LARGE1: variants seen among roughly 807,000 people sequenced by gnomAD.
LARGE1 encodes the protein LARGE xylosyl- and glucuronyltransferase 1, also known as xylosyl- and glucuronyltransferase LARGE1.
A neutral mutation model predicts 87.6 loss-of-function variants in LARGE1; 43 were observed. The ratio of observed to expected loss-of-function variants is 0.49; its 90% CI spans 0.38 to 0.63. LARGE1 has a LOEUF of 0.63. Ranked by LOEUF, LARGE1 falls within the 30% of genes least tolerant of loss-of-function variation. The pLI is 0.00. For synonymous variants in LARGE1, 434 were observed against 394.6 expected (o/e 1.10, Z -1.18); for missense variants, 802 against 1,000.2 (o/e 0.80, Z 2.67).
At chr22:33,832,688 G>A (rs952185522) in intron 1 of LARGE1, among the ~76,000 whole-genome samples, 3 of 152,204 alleles carry the variant, frequency 2.0e-5, no homozygotes, top group African/African-American at 7.2e-5. Context: ...ACTGGCTGGG[G>A]CTCCCAGCTG....
chr22:33,522,435 G>A (rs2071651502), intron 6 of LARGE1, among the ~76,000 whole-genome samples: 1 of 152,200 alleles, frequency 6.6e-6, no homozygotes. Flanking sequence ...GTGCATGCCT[G>A]TAATCCCAGC....
At chr22:33,613,579 G>A (rs2079502125) in intron 4 of LARGE1, among the ~76,000 whole-genome samples, 1 of 152,104 alleles carries the variant, frequency 6.6e-6, no homozygotes, top group South Asian at 2.1e-4. Flanking sequence ...CACAACCTCC[G>A]CCTCCTGGGT....
intron 4 of LARGE1, among the ~76,000 whole-genome samples, chr22:33,620,773 C>T (rs112912771): frequency 2.0e-5 from 3 of 151,970 alleles, no homozygotes; most frequent in South Asian, 4.2e-4. Flanking sequence ...AAAAATTAGC[C>T]GGGCGTGGTG....
intron 1 of LARGE1, among the ~76,000 whole-genome samples, chr22:33,763,743 A>T (rs1380147539): frequency 6.6e-6 from 1 of 151,304 alleles, no homozygotes; most frequent in African/African-American, 2.4e-5. Flanking sequence ...CAAATGAGAG[A>T]GCCTTTAATG....
intron 2 of LARGE1, among the ~76,000 whole-genome samples, chr22:33,742,429 G>A (rs781227309): frequency 1.3e-5 from 2 of 152,062 alleles, no homozygotes; most frequent in Non-Finnish European, 2.9e-5. Flanking sequence ...TTCGTGCACC[G>A]AGCACAATGT....
chr22:33,251,431 T>C (rs1371262559), intron 11 of LARGE1, among the ~76,000 whole-genome samples: 1 of 152,146 alleles, frequency 6.6e-6, no homozygotes, highest in Non-Finnish European at 1.5e-5. Context: ...TTTTTTTTTC[T>C]TGGGATCATG....
chr22:33,858,757 G>A (rs1187909314), intron 1 of LARGE1, among the ~76,000 whole-genome samples: 1 of 152,148 alleles, frequency 6.6e-6, no homozygotes, highest in Non-Finnish European at 1.5e-5. Context: ...TATGTTTATT[G>A]CAGCACTATT....
intron 11 of LARGE1, among the ~76,000 whole-genome samples, chr22:33,214,087 T>C (rs528303799): frequency 3.9e-5 from 6 of 152,244 alleles, no homozygotes; most frequent in African/African-American, 1.2e-4. Flanking sequence ...TTTATTGCAA[T>C]GGTCAGGAAT....
intron 10 of LARGE1, among the ~76,000 whole-genome samples, chr22:33,328,156 C>A (rs1022849193): frequency 6.6e-6 from 1 of 152,098 alleles, no homozygotes; most frequent in Non-Finnish European, 1.5e-5. Flanking sequence ...ACAGGCATTG[C>A]AATTTTAGAT....
intron 11 of LARGE1, among the ~76,000 whole-genome samples, chr22:33,262,885 G>C (rs60290807): frequency 8.2e-6 from 1 of 122,040 alleles, no homozygotes; most frequent in Non-Finnish European, 1.7e-5. Flanking sequence ...CCCTCCGCTC[G>C]CCTCCCCTCC....
At chr22:33,483,966 G>C (rs184697433) in intron 6 of LARGE1, among the ~76,000 whole-genome samples, 3 of 152,230 alleles carry the variant, frequency 2.0e-5, no homozygotes, top group Admixed American at 1.3e-4. Flanking sequence ...CTTGACGGCC[G>C]GAAGTTTAGA....
At chr22:33,614,236 A>G (rs1457772653) in intron 4 of LARGE1, among the ~76,000 whole-genome samples, 1 of 152,196 alleles carries the variant, frequency 6.6e-6, no homozygotes, top group African/African-American at 2.4e-5. Flanking sequence ...GCTAAAACAT[A>G]TGCAGCACTT....
At chr22:33,355,010 C>G (rs1601564403) in intron 9 of LARGE1, among the ~76,000 whole-genome samples, 1 of 152,154 alleles carries the variant, frequency 6.6e-6, no homozygotes, top group African/African-American at 2.4e-5. Flanking sequence ...TAAAATGAAA[C>G]TTTTCTGTTT....
At chr22:33,659,309 A>G (rs979583205) in intron 2 of LARGE1, among the ~76,000 whole-genome samples, 3 of 152,212 alleles carry the variant, frequency 2.0e-5, no homozygotes, top group Non-Finnish European at 2.9e-5. Context: ...ACCCTCATTC[A>G]ATGCCAAATA....
intron 6 of LARGE1, among the ~76,000 whole-genome samples, chr22:33,503,458 G>T (rs562445630): frequency 6.6e-6 from 1 of 151,768 alleles, no homozygotes; most frequent in Non-Finnish European, 1.5e-5. Flanking sequence ...CAGCAATTCC[G>T]TTCTAGGTAC....
chr22:33,704,309 C>A (rs1373166675), intron 2 of LARGE1, among the ~76,000 whole-genome samples: 1 of 152,204 alleles, frequency 6.6e-6, no homozygotes, highest in Non-Finnish European at 1.5e-5. Flanking sequence ...GGTGTGCAGA[C>A]AGGGGAACTT....
intron 6 of LARGE1, among the ~76,000 whole-genome samples, chr22:33,504,618 C>G (rs563598880): frequency 2.0e-5 from 3 of 152,268 alleles, no homozygotes; most frequent in African/African-American, 7.2e-5. Context: ...AGGCTGGTTT[C>G]AAATCCCAGT....
At position 33,274,120 on chromosome 22, in the gene LARGE1, C is replaced by T. The variant is rs1928680976; in HGVS notation, c.*307G>A. 1.9e-6 allele frequency: 1 copy of T among 527,712 alleles called. No homozygotes were observed. The highest frequency in any genetic ancestry group is 2.1e-5 in the South Asian group (1 of 47,792). 32.7% of individuals were successfully genotyped at this position (527,712 alleles called of 1,614,324 possible). ...GAACATCCTAAAGCCCTGCCCTGAT[C>T]TTGTGGCTTTGCAGTAAGATGATAA... On this transcript the variant is annotated 3_prime_UTR_variant, in exon 15 of 15. Transcript: ENST00000397394.
intron 1 of LARGE1, among the ~76,000 whole-genome samples, chr22:33,824,503 C>T (rs751054121): frequency 2.0e-5 from 3 of 151,968 alleles, no homozygotes; most frequent in Non-Finnish European, 2.9e-5. Context: ...CCCTCCAAGC[C>T]CCTCCTCCAA....
Sources: allele counts gnomAD v4.1 joint callset (sites outside exome capture counted in the v4.1 genomes callset), GRCh38; gene constraint gnomAD v4.1.1; transcripts MANE v1.5; gene names NCBI Gene and HGNC (gene_info 2026-07-23, HGNC 2026-07-21).